The following PAX5 variants were observed in gnomAD, a reference collection of about 807,000 sequenced individuals.
PAX5 encodes paired box protein Pax-5.
PAX5 carries 9 observed loss-of-function variants against 43.7 expected under a neutral mutation model. That is an observed-to-expected ratio of 0.21 (90% CI 0.12 to 0.36). The LOEUF (loss-of-function observed/expected upper bound fraction) is 0.36. PAX5 is among the 10% of genes least tolerant of loss of function. PAX5 has a pLI of 1.00. For synonymous variants in PAX5, 228 were observed against 214.3 expected (o/e 1.06, Z -0.56); for missense variants, 383 against 532.7 (o/e 0.72, Z 2.77).
chr9:36,936,516 A>C (rs1341679844), intron 6 of PAX5, among the ~76,000 whole-genome samples: 1 of 152,148 alleles, frequency 6.6e-6, no homozygotes, highest in Admixed American at 6.5e-5. Context: ...CCTCCAAGGG[A>C]GTGCAGGACT....
At chr9:37,009,543 G>A (rs764421649) in intron 3 of PAX5, among the ~76,000 whole-genome samples, 16 of 152,272 alleles carry the variant, frequency 1.1e-4, no homozygotes, top group Non-Finnish European at 1.9e-4. Context: ...AGCACAAGGC[G>A]AGGGCGGTGG....
intron 5 of PAX5, among the ~76,000 whole-genome samples, chr9:36,967,567 T>C (rs1834552833): frequency 6.6e-6 from 1 of 152,220 alleles, no homozygotes; most frequent in African/African-American, 2.4e-5. Flanking sequence ...TACATTGTTA[T>C]GTTAAAAAAT....
intron 5 of PAX5, among the ~76,000 whole-genome samples, chr9:36,979,462 A>G (rs1835728770): frequency 6.6e-6 from 1 of 152,220 alleles, no homozygotes; most frequent in South Asian, 2.1e-4. Flanking sequence ...GTGCATGCCT[A>G]GACATCTGAA....
In PAX5 at chr9:36,837,605, C is replaced by T. The variant is rs10973102; in HGVS notation, c.*2955G>A. ...TCCTCACCAAGCTCCCAGGCAGCTC[C>T]GCTGGACCACGAGGTGCTGTGAATT... On this transcript the variant is annotated 3_prime_UTR_variant, in exon 10 of 10. Transcript: ENST00000358127. The T allele has an allele frequency of 0.051, 11,846 of 233,238 alleles. 523 individuals carry two copies. Among genetic ancestry groups the T allele is most frequent in the African/African-American group, 0.13 (5,890 of 45,396 alleles). The allele number at this position is 233,238 out of a possible 1,614,324, so 14.4% of individuals were successfully genotyped here.
intron 8 of PAX5, among the ~76,000 whole-genome samples, chr9:36,847,703 G>A (rs1822726644): frequency 6.6e-6 from 1 of 152,182 alleles, no homozygotes; most frequent in Non-Finnish European, 1.5e-5. Context: ...TGTGGGGCAT[G>A]GTGGGACCCG....
intron 5 of PAX5, among the ~76,000 whole-genome samples, chr9:36,987,288 A>G (rs1432127209): frequency 1.3e-5 from 2 of 152,232 alleles, no homozygotes; most frequent in Non-Finnish European, 2.9e-5. Context: ...GAATTCTCAC[A>G]GTAATTGTAT....
chr9:36,987,276 T>C (rs1836513852), intron 5 of PAX5, among the ~76,000 whole-genome samples: 1 of 152,236 alleles, frequency 6.6e-6, no homozygotes, highest in Admixed American at 6.5e-5. Context: ...GCCTCTGTTA[T>C]GGAATTCTCA....
At chr9:36,914,429 G>A (rs866790014) in intron 7 of PAX5, among the ~76,000 whole-genome samples, 16 of 152,184 alleles carry the variant, frequency 1.1e-4, no homozygotes, top group African/African-American at 2.9e-4. Flanking sequence ...TGTGTGTAAG[G>A]CTATGTCTGG....
chr9:37,002,131 C>A (rs1050166906), intron 5 of PAX5, among the ~76,000 whole-genome samples: 1 of 152,006 alleles, frequency 6.6e-6, no homozygotes, highest in African/African-American at 2.4e-5. Flanking sequence ...TCCTCAGCAC[C>A]GCCCCCCAAC....
At position 37,015,273 on chromosome 9, in the gene PAX5, G is replaced by T; in HGVS notation, c.213-79C>A. ...TGGCAACAAAATAACGGGCTACTCT[G>T]GCCAGGAAACGTCCGGATCTGCACG... On this transcript the variant is annotated intron_variant, in intron 2 of 9. Coordinates refer to ENST00000358127, the MANE Select transcript of PAX5 (RefSeq NM_016734.3). This position sits in a 1 kb window ranked among gnomAD's most constrained non-coding sequence, Gnocchi z 4.4. The T allele has an allele frequency of 7.6e-7, 1 of 1,320,142 alleles. No individual in the cohort carries two copies. The highest frequency in any genetic ancestry group is 1.1e-6 in the Non-Finnish European group (1 of 922,020). The allele number at this position is 1,320,142 out of a possible 1,614,324, so 81.8% of individuals were successfully genotyped here.
intron 5 of PAX5, among the ~76,000 whole-genome samples, chr9:36,970,240 C>A (rs919364715): frequency 2.0e-5 from 3 of 152,150 alleles, no homozygotes; most frequent in African/African-American, 7.2e-5. Flanking sequence ...TCAGGGAAGT[C>A]TCCAAGAGGA....
intron 8 of PAX5, chr9:36,861,099 C>T (rs1191159939): frequency 2.0e-5 from 3 of 152,036 alleles, no homozygotes; most frequent in African/African-American, 4.8e-5. Context: ...GTGAAGAAAC[C>T]ACCTAAGAGG....
At chr9:36,937,835 G>A (rs1831692748) in intron 6 of PAX5, among the ~76,000 whole-genome samples, 1 of 152,274 alleles carries the variant, frequency 6.6e-6, no homozygotes, top group Middle Eastern at 3.4e-3. Flanking sequence ...AGGACAGCAG[G>A]GCTCCCATTT....
chr9:36,867,293 G>A (rs1824991316), intron 8 of PAX5, among the ~76,000 whole-genome samples: 2 of 152,142 alleles, frequency 1.3e-5, no homozygotes, highest in African/African-American at 2.4e-5. Context: ...TGGTGTCCCC[G>A]CTTAGACCTG....
intron 9 of PAX5, among the ~76,000 whole-genome samples, chr9:36,841,929 C>T (rs80238249): frequency 0.036 from 5,489 of 152,168 alleles, 335 homozygotes; most frequent in African/African-American, 0.12. Context: ...CGACCTGTAC[C>T]ATAACTGGGG....
intron 7 of PAX5, among the ~76,000 whole-genome samples, chr9:36,890,755 G>T (rs1327211531): frequency 6.6e-6 from 1 of 152,166 alleles, no homozygotes; most frequent in Non-Finnish European, 1.5e-5. Context: ...AGACTTCCTG[G>T]AGCCCCTGAA....
chr9:36,890,417 G>C (rs1827279291), intron 7 of PAX5, among the ~76,000 whole-genome samples: 1 of 152,172 alleles, frequency 6.6e-6, no homozygotes. Context: ...GGCTGGGAAA[G>C]GCAGAGCTCT....
chr9:36,848,868 C>T (rs1000896251), intron 8 of PAX5, among the ~76,000 whole-genome samples: 5 of 152,210 alleles, frequency 3.3e-5, no homozygotes, highest in African/African-American at 4.8e-5. Context: ...ACATATTATC[C>T]ATCCCCAGAT....
At chr9:36,894,985 G>A (rs542689443) in intron 7 of PAX5, among the ~76,000 whole-genome samples, 115 of 152,328 alleles carry the variant, frequency 7.5e-4, no homozygotes, top group African/African-American at 2.6e-3. Context: ...AGGAGGAAGG[G>A]GAACCCCAAC....
Sources: gnomAD v4.1 joint callset for allele counts (sites outside exome capture counted in the v4.1 genomes callset) on GRCh38, gnomAD v4.1.1 for gene constraint, Gnocchi (gnomAD v3.1) non-coding constraint, MANE v1.5 for transcripts, NCBI Gene and HGNC (gene_info 2026-07-23, HGNC 2026-07-21) for gene names.